RABGAP1L: variants seen among roughly 807,000 people sequenced by gnomAD.
RABGAP1L encodes the protein RAB GTPase activating protein 1 like.
RABGAP1L carries 63 observed loss-of-function variants against 137.7 expected under a neutral mutation model. The observed-to-expected ratio is 0.46, with a 90% confidence interval of 0.37 to 0.56. The LOEUF (loss-of-function observed/expected upper bound fraction) is 0.56, where lower values mean the gene tolerates loss of function less well. Ranked by LOEUF, RABGAP1L falls within the 20% of genes least tolerant of loss-of-function variation. The pLI is 0.00. For synonymous variants in RABGAP1L, 431 were observed against 433.7 expected, an observed-to-expected ratio of 0.99 and a Z score of 0.08; for missense variants, 1,095 against 1,244.0, an observed-to-expected ratio of 0.88 and a Z score of 1.80.
intron 18 of RABGAP1L, among the ~76,000 whole-genome samples, chr1:174,780,482 T>C (rs1686897185): frequency 6.6e-6 from 1 of 152,136 alleles, no homozygotes; most frequent in South Asian, 2.1e-4. Context: ...CTTCCTCTAT[T>C]TTTACATTAT....
At chr1:174,981,751 T>A (rs1671151572) in intron 23 of RABGAP1L, among the ~76,000 whole-genome samples, 2 of 152,018 alleles carry the variant, frequency 1.3e-5, no homozygotes, top group Admixed American at 1.3e-4. Context: ...TACTTATTTA[T>A]CTAGATTTTT....
At chr1:174,828,526 G>A (rs758173469) in intron 19 of RABGAP1L, among the ~76,000 whole-genome samples, 4 of 148,286 alleles carry the variant, frequency 2.7e-5, no homozygotes, top group East Asian at 2.1e-4. Context: ...GACAAGTCTA[G>A]GTTTGAATTC....
intron 13 of RABGAP1L, among the ~76,000 whole-genome samples, chr1:174,527,207 T>TTTG (rs1352671528): frequency 4.7e-5 from 7 of 148,806 alleles, no homozygotes; most frequent in African/African-American, 1.5e-4. Context: ...TTATTTTGTT[T>TTTG]TTTTTTTTTT....
intron 4 of RABGAP1L, among the ~76,000 whole-genome samples, chr1:174,234,199 T>C (rs1344853451): frequency 1.0e-5 from 1 of 97,352 alleles, no homozygotes; most frequent in Non-Finnish European, 1.8e-5. Context: ...GTGAAAATTT[T>C]CTTCCATTTT....
At chr1:174,646,059 G>GT (rs960500793) in intron 14 of RABGAP1L, among the ~76,000 whole-genome samples, 3 of 151,538 alleles carry the variant, frequency 2.0e-5, no homozygotes, top group Non-Finnish European at 4.4e-5. Flanking sequence ...GGGGTTGTTT[G>GT]TTTTTTTCTT....
At chr1:174,316,239 G>C (rs1473920507) in intron 11 of RABGAP1L, among the ~76,000 whole-genome samples, 3 of 152,068 alleles carry the variant, frequency 2.0e-5, no homozygotes, top group Non-Finnish European at 4.4e-5. Context: ...AATGGTCCCT[G>C]GTGTCTTATT....
chr1:174,495,039 T>C (rs1392938602), intron 13 of RABGAP1L, among the ~76,000 whole-genome samples: 2 of 152,064 alleles, frequency 1.3e-5, no homozygotes, highest in African/African-American at 4.8e-5. Context: ...TTTAGAAGAA[T>C]TGAATTGCCT....
chr1:174,635,721 A>C (rs116215168), intron 13 of RABGAP1L, among the ~76,000 whole-genome samples: 1 of 152,120 alleles, frequency 6.6e-6, no homozygotes, highest in African/African-American at 2.4e-5. Context: ...AATATGTTCA[A>C]TGTTTGCTAG....
At chr1:174,287,222 A>G (rs76027014) in intron 10 of RABGAP1L, among the ~76,000 whole-genome samples, 9,264 of 152,166 alleles carry the variant, frequency 0.061, 992 homozygotes, top group African/African-American at 0.21. Flanking sequence ...TGTTAGATGT[A>G]TTACTATTTA....
chr1:174,711,260 C>T (rs1188432062), intron 17 of RABGAP1L, among the ~76,000 whole-genome samples: 4 of 152,166 alleles, frequency 2.6e-5, no homozygotes, highest in African/African-American at 7.2e-5. Context: ...CAGCTCCAGC[C>T]TTGGCCAGCC....
At chr1:174,425,057 G>C (rs1651795020) in intron 13 of RABGAP1L, among the ~76,000 whole-genome samples, 1 of 151,970 alleles carries the variant, frequency 6.6e-6, no homozygotes. Context: ...AATACTATTT[G>C]AGATGTGTAT....
chr1:174,962,336 A>G (rs915169277), intron 20 of RABGAP1L, among the ~76,000 whole-genome samples: 26 of 152,144 alleles, frequency 1.7e-4, no homozygotes, highest in Non-Finnish European at 8.8e-5. Context: ...GGACACAGAC[A>G]TTATTATAAA....
chr1:174,898,979 C>T (rs1014827654), intron 19 of RABGAP1L, among the ~76,000 whole-genome samples: 3 of 152,096 alleles, frequency 2.0e-5, no homozygotes, highest in African/African-American at 7.2e-5. Flanking sequence ...CCTCTGGGAA[C>T]ATCCTCTGAT....
intron 18 of RABGAP1L, among the ~76,000 whole-genome samples, chr1:174,783,993 GTTTTTC>G: frequency 7.8e-6 from 1 of 127,606 alleles, no homozygotes; most frequent in South Asian, 2.7e-4. Context: ...CAGGCCGTGA[GTTTTTC>G]TTCTTCTTCT....
chr1:174,358,946 A>G (rs1276947121), intron 11 of RABGAP1L, among the ~76,000 whole-genome samples: 1 of 152,196 alleles, frequency 6.6e-6, no homozygotes, highest in Non-Finnish European at 1.5e-5. Context: ...TAATTATAAT[A>G]TGACGTGCTA....
At chr1:174,802,982 T>G (rs566931739) in intron 18 of RABGAP1L, among the ~76,000 whole-genome samples, 1 of 152,350 alleles carries the variant, frequency 6.6e-6, no homozygotes, top group Non-Finnish European at 1.5e-5. Flanking sequence ...CTTTACCTTT[T>G]TAGTCATGTT....
At chr1:174,701,043 A>C in intron 16 of RABGAP1L, 1 of 1,297,516 alleles carries the variant, frequency 7.7e-7, no homozygotes, top group African/African-American at 1.5e-5. Flanking sequence ...TATTTTTCAA[A>C]GAGAGCATGT....
intron 19 of RABGAP1L, among the ~76,000 whole-genome samples, chr1:174,856,077 C>T (rs915061138): frequency 1.3e-5 from 2 of 152,124 alleles, no homozygotes; most frequent in Non-Finnish European, 2.9e-5. Context: ...ACTGGCAGAG[C>T]GTAGCTTTTT....
chr1:174,986,627 A>G (rs1671616632), intron 24 of RABGAP1L, among the ~76,000 whole-genome samples: 1 of 152,142 alleles, frequency 6.6e-6, no homozygotes, highest in Non-Finnish European at 1.5e-5. Context: ...GTAAATGAAT[A>G]CATTTTCTGT....
Sources: allele counts gnomAD v4.1 joint callset (sites outside exome capture counted in the v4.1 genomes callset), GRCh38; gene constraint gnomAD v4.1.1; transcripts MANE v1.5; gene names NCBI Gene and HGNC (gene_info 2026-07-23, HGNC 2026-07-21).